Variants in CFDP1 observed in about 807,000 individuals in gnomAD.
CFDP1 encodes the protein heterochromatin-stabilizing protein CFDP1.
Under a neutral mutation model 40.1 loss-of-function variants are expected in CFDP1, and 31 were observed. The observed-to-expected ratio is 0.77, with a 90% CI of 0.58 to 1.04. The LOEUF is 1.04. Ranked by LOEUF, CFDP1 falls within the 50% of genes least tolerant of loss-of-function variation. CFDP1 has a pLI of 0.00. For missense variants in CFDP1, 423 were observed against 343.4 expected (o/e 1.23, Z -1.83); for synonymous variants, 167 against 120.0 (o/e 1.39, Z -2.56).
Position 75,331,657 on chromosome 16 carries a change from G to C in CFDP1, c.651-26475C>G, listed in dbSNP as rs188812548. ...TACGTTATTTTTTTCTTTTGTGTCT[G>C]GTTTCTTTCATGCAGCACAATGTTT... On this transcript the variant is annotated intron_variant, in intron 5 of 6. Transcript: ENST00000283882. 1.4e-4 allele frequency among the ~76,000 whole-genome samples: 22 copies of C among 152,178 alleles called. No individual in the cohort carries two copies. The East Asian group carries it at 3.9e-3, about 27-fold the overall frequency.
intron 5 of CFDP1, among the ~76,000 whole-genome samples, chr16:75,323,660 T>A (rs575060837): frequency 2.0e-5 from 3 of 151,718 alleles, no homozygotes. Flanking sequence ...GTGCCTGTAA[T>A]CCCAGCTACT....
At chr16:75,369,645 G>A (rs1829010136) in intron 5 of CFDP1, among the ~76,000 whole-genome samples, 2 of 152,188 alleles carry the variant, frequency 1.3e-5, no homozygotes, top group African/African-American at 2.4e-5. Context: ...AGAAAACTAA[G>A]TAAGACCAGA....
At chr16:75,343,212 A>G (rs1372834870) in intron 5 of CFDP1, among the ~76,000 whole-genome samples, 2 of 152,180 alleles carry the variant, frequency 1.3e-5, no homozygotes, top group Non-Finnish European at 2.9e-5. Flanking sequence ...ATGACACTAA[A>G]TAAGTTAAAA....
intron 6 of CFDP1, among the ~76,000 whole-genome samples, chr16:75,303,405 ATGT>A (rs1567639349): frequency 1.4e-5 from 2 of 147,328 alleles, no homozygotes; most frequent in African/African-American, 5.3e-5. Flanking sequence ...AAATAAATGT[ATGT>A]ATGTATGTAT....
At chr16:75,426,470 C>G (rs989414134) in intron 1 of CFDP1, among the ~76,000 whole-genome samples, 54 of 151,954 alleles carry the variant, frequency 3.6e-4, no homozygotes, top group African/African-American at 1.3e-3. Flanking sequence ...AAAGCACAAC[C>G]CATAATAGAA....
chr16:75,429,652 T>C lies in CFDP1; in HGVS notation c.64+3637A>G, dbSNP rs558175179. Reference sequence around the variant, plus strand: ...TGGGCGACAAGAGCAAGACTCTATCTCTAAATAAATAAGTAAATACACTGG... The same window carrying C: ...TGGGCGACAAGAGCAAGACTCTATCCCTAAATAAATAAGTAAATACACTGG... On this transcript the variant is annotated intron_variant, in intron 1 of 6. Transcript: ENST00000283882. Among the ~76,000 whole-genome samples, 3 of 152,246 alleles carry C rather than the reference T, an allele frequency of 2.0e-5. No homozygotes were observed. The South Asian group carries it at 6.2e-4, about 32-fold the overall frequency.
At chr16:75,361,755 C>G (rs991806111) in intron 5 of CFDP1, among the ~76,000 whole-genome samples, 26 of 152,292 alleles carry the variant, frequency 1.7e-4, no homozygotes, top group African/African-American at 5.8e-4. Context: ...TCCATAAATA[C>G]ACTGTAGAAA....
rs1597378775 is a variant in CFDP1 at position 75,393,775 on chromosome 16, T to TGG, written c.650+1313_650+1314dup. Among the ~76,000 whole-genome samples the TGG allele has an allele frequency of 1.2e-4, 11 of 95,488 alleles. 2 individuals are homozygous for TGG. Among genetic ancestry groups the TGG allele is most frequent in the Non-Finnish European group, 1.8e-4 (9 of 50,696 alleles). The allele number at this position is 95,488 out of a possible 152,430, so 62.6% of individuals were successfully genotyped here. A position where few individuals can be genotyped will look rare whatever the true frequency, so the allele number is the denominator to read the frequency against. ...AAAAAAAAAAAAAAAAAAAAAAAAG[T>TGG]GGGGCCGGGCCCGGTGGCTCACGCC... On this transcript the variant is annotated intron_variant, in intron 5 of 6. Transcript: ENST00000283882.
chr16:75,350,931 C>T (rs1242741294), intron 5 of CFDP1, among the ~76,000 whole-genome samples: 2 of 152,112 alleles, frequency 1.3e-5, no homozygotes, highest in Non-Finnish European at 2.9e-5. Flanking sequence ...AGAAAAACTA[C>T]TTCAAGTGAC....
intron 6 of CFDP1, among the ~76,000 whole-genome samples, chr16:75,295,152 T>G (rs547987782): frequency 3.0e-4 from 46 of 152,354 alleles, no homozygotes; most frequent in African/African-American, 1.1e-3. Flanking sequence ...GCTACCAGGT[T>G]CAGAAACCTG....
intron 5 of CFDP1, among the ~76,000 whole-genome samples, chr16:75,329,490 G>C (rs1254000033): frequency 6.6e-6 from 1 of 152,044 alleles, no homozygotes; most frequent in Non-Finnish European, 1.5e-5. Context: ...TTAGTCTCTT[G>C]GCTGCTACTG....
At chr16:75,359,283 C>T (rs1159812383) in intron 5 of CFDP1, among the ~76,000 whole-genome samples, 2 of 151,964 alleles carry the variant, frequency 1.3e-5, no homozygotes, top group South Asian at 2.1e-4. Context: ...TTTTGAAGAG[C>T]GTAAAGAGGT....
chr16:75,296,945 T>C (rs551089943), intron 6 of CFDP1, among the ~76,000 whole-genome samples: 2 of 152,346 alleles, frequency 1.3e-5, no homozygotes, highest in Admixed American at 6.5e-5. Flanking sequence ...AGAATGACAG[T>C]AGCTCTGACA....
At chr16:75,303,511 C>CCCA (rs55992900) in intron 6 of CFDP1, among the ~76,000 whole-genome samples, 1 of 145,924 alleles carries the variant, frequency 6.9e-6, no homozygotes, top group Non-Finnish European at 1.5e-5. Flanking sequence ...TGACCCCCCC[C>CCCA]AATAAATCCT....
At chr16:75,425,414 T>C (rs1185560251) in intron 1 of CFDP1, among the ~76,000 whole-genome samples, 21 of 118,834 alleles carry the variant, frequency 1.8e-4, no homozygotes, top group Admixed American at 5.0e-4. Flanking sequence ...AAAAAAAAAC[T>C]ATATGGAAAG....
intron 5 of CFDP1, among the ~76,000 whole-genome samples, chr16:75,347,417 C>T (rs530686391): frequency 1.3e-5 from 2 of 150,608 alleles, no homozygotes; most frequent in South Asian, 2.1e-4. Context: ...CAGTGGCTCA[C>T]GCCTGTAATC....
intron 6 of CFDP1, among the ~76,000 whole-genome samples, chr16:75,298,209 C>A (rs182534643): frequency 6.6e-6 from 1 of 152,272 alleles, no homozygotes; most frequent in Admixed American, 6.5e-5. Flanking sequence ...GCAAATATTT[C>A]AAAATTGAAA....
At chr16:75,369,095 A>T (rs908528757) in intron 5 of CFDP1, among the ~76,000 whole-genome samples, 1 of 152,232 alleles carries the variant, frequency 6.6e-6, no homozygotes, top group East Asian at 1.9e-4. Flanking sequence ...AAATAGGCAC[A>T]TCAGAAATGT....
intron 5 of CFDP1, among the ~76,000 whole-genome samples, chr16:75,323,143 C>A (rs1187131561): frequency 6.6e-6 from 1 of 151,732 alleles, no homozygotes; most frequent in Admixed American, 6.6e-5. Flanking sequence ...CATAGCACAG[C>A]TGTAGAAAAA....
Sources: gnomAD v4.1 joint callset for allele counts (sites outside exome capture counted in the v4.1 genomes callset) on GRCh38, gnomAD v4.1.1 for gene constraint, MANE v1.5 for transcripts, NCBI Gene and HGNC (gene_info 2026-07-23, HGNC 2026-07-21) for gene names.